Variants in CSMD1 observed in about 807,000 individuals in gnomAD.
The protein encoded by CSMD1 is CUB and sushi domain-containing protein 1.
Under a neutral mutation model 417.5 loss-of-function variants are expected in CSMD1, and 213 were observed. The ratio of observed to expected loss-of-function variants is 0.51; its 90% CI spans 0.46 to 0.57. The LOEUF is 0.57. Among genes scored for constraint, CSMD1 ranks in the 20% least tolerant of loss-of-function variants. The pLI, the probability that CSMD1 is intolerant of heterozygous loss-of-function variation, is 0.00. For missense variants in CSMD1, 6,923 were observed against 4,529.7 expected (o/e 1.53, Z -15.17); for synonymous variants, 2,862 against 1,736.8 (o/e 1.65, Z -16.11).
chr8:4,730,968 A>C (rs17071139), intron 1 of CSMD1, among the ~76,000 whole-genome samples: 2,848 of 152,026 alleles, frequency 0.019, 43 homozygotes, highest in African/African-American at 0.031. Context: ...GGGTGATTTT[A>C]CTCATTTAGG....
intron 5 of CSMD1, among the ~76,000 whole-genome samples, chr8:3,961,888 T>G (rs1236751428): frequency 6.6e-6 from 1 of 152,196 alleles, no homozygotes; most frequent in Non-Finnish European, 1.5e-5. Context: ...CATCCTGCCT[T>G]ACGACTTCTT....
At chr8:3,656,929 A>G (rs1434145361) in intron 7 of CSMD1, among the ~76,000 whole-genome samples, 1 of 151,850 alleles carries the variant, frequency 6.6e-6, no homozygotes, top group African/African-American at 2.4e-5. Flanking sequence ...TGTCTAAAAA[A>G]AAAAAAAGCC....
intron 2 of CSMD1, among the ~76,000 whole-genome samples, chr8:4,603,235 T>C (rs1228347339): frequency 6.6e-6 from 1 of 152,092 alleles, no homozygotes; most frequent in East Asian, 1.9e-4. Flanking sequence ...TTCTCTTTTC[T>C]TGAACCATGA....
At chr8:4,721,067 CAA>C (rs1809023704) in intron 1 of CSMD1, among the ~76,000 whole-genome samples, 1 of 152,108 alleles carries the variant, frequency 6.6e-6, no homozygotes, top group African/African-American at 2.4e-5. Context: ...ATAAACCTCT[CAA>C]GAGTAACATG....
chr8:3,562,536 G>C (rs1585372827), intron 10 of CSMD1, among the ~76,000 whole-genome samples: 2 of 152,030 alleles, frequency 1.3e-5, no homozygotes, highest in South Asian at 4.2e-4. Context: ...TAGCCTGCTT[G>C]GCAAAATCAA....
intron 29 of CSMD1, among the ~76,000 whole-genome samples, chr8:3,215,058 G>A (rs1054656269): frequency 1.3e-5 from 2 of 152,054 alleles, no homozygotes; most frequent in Admixed American, 6.6e-5. Context: ...AAAAATTGAG[G>A]TTCATTTTCT....
rs1801568635 is a variant in CSMD1, at chr8:2,937,465, A to C, written c.*1120T>G. ...AAAAAAAAAAAAACAAAAAAAAAAC[A>C]CTGCAAAAGGGAAGGCTGCATTGTG... On this transcript the variant is annotated 3_prime_UTR_variant, in exon 70 of 70. Coordinates refer to ENST00000635120, the MANE Select transcript of CSMD1 (RefSeq NM_033225.6). 6.8e-6 allele frequency: 1 copy of C among 147,294 alleles called. No individual in the cohort carries two copies. The highest frequency in any genetic ancestry group is 2.5e-5 in the African/African-American group (1 of 40,250). The allele number at this position is 147,294 out of a possible 1,614,324, so 9.1% of individuals were successfully genotyped here.
At chr8:4,092,151 A>G (rs1287597685) in intron 3 of CSMD1, among the ~76,000 whole-genome samples, 1 of 152,212 alleles carries the variant, frequency 6.6e-6, no homozygotes, top group Admixed American at 6.5e-5. Flanking sequence ...TTTTCCTTAA[A>G]TTCTACTAAA....
intron 3 of CSMD1, among the ~76,000 whole-genome samples, chr8:4,053,802 A>T (rs558111979): frequency 6.6e-6 from 1 of 152,208 alleles, no homozygotes; most frequent in Non-Finnish European, 1.5e-5. Context: ...GTATGTTTAA[A>T]TGCCTAAAGC....
At chr8:4,283,523 G>C (rs1035506762) in intron 3 of CSMD1, among the ~76,000 whole-genome samples, 2 of 152,034 alleles carry the variant, frequency 1.3e-5, no homozygotes, top group Non-Finnish European at 2.9e-5. Flanking sequence ...TAGAACTAAG[G>C]ACAATCATTT....
At chr8:4,308,259 T>G (rs1483525838) in intron 3 of CSMD1, among the ~76,000 whole-genome samples, 1 of 152,044 alleles carries the variant, frequency 6.6e-6, no homozygotes, top group East Asian at 1.9e-4. Flanking sequence ...TTTATGTGTG[T>G]GTGTGTCTGT....
chr8:4,981,535 A>G (rs745328100), intron 1 of CSMD1, among the ~76,000 whole-genome samples: 5 of 152,232 alleles, frequency 3.3e-5, no homozygotes, highest in African/African-American at 4.8e-5. Context: ...CTTTCAATCA[A>G]TTATACACTT....
chr8:3,193,585 G>A lies in CSMD1; in HGVS notation c.5195-3470C>T, dbSNP rs1032386540. 7.8e-4 allele frequency among the ~76,000 whole-genome samples: 119 copies of A among 152,160 alleles called. 1 individual carries two copies. Among genetic ancestry groups the A allele is most frequent in the African/African-American group, 2.8e-3 (118 of 41,510 alleles). Reference sequence around the variant, plus strand: ...CGAGAGAAAAATTCTATTGTCTGTCGTCATCATTCTCTATCCTTTAGTAAA... The same window carrying A: ...CGAGAGAAAAATTCTATTGTCTGTCATCATCATTCTCTATCCTTTAGTAAA... On this transcript the variant is annotated intron_variant, in intron 33 of 69. Coordinates refer to ENST00000635120, the MANE Select transcript of CSMD1 (RefSeq NM_033225.6).
intron 41 of CSMD1, among the ~76,000 whole-genome samples, chr8:3,129,294 T>G (rs1410038354): frequency 6.6e-6 from 1 of 152,240 alleles, no homozygotes; most frequent in African/African-American, 2.4e-5. Context: ...TTAAATATTT[T>G]GTGAGTCAAC....
At chr8:3,675,650 C>T (rs1799334374) in intron 7 of CSMD1, among the ~76,000 whole-genome samples, 1 of 152,136 alleles carries the variant, frequency 6.6e-6, no homozygotes, top group African/African-American at 2.4e-5. Context: ...TGTTCTCTGC[C>T]ACTCAAGGAC....
intron 40 of CSMD1, among the ~76,000 whole-genome samples, chr8:3,149,426 T>C (rs1464111665): frequency 6.6e-6 from 1 of 152,216 alleles, no homozygotes; most frequent in African/African-American, 2.4e-5. Flanking sequence ...TTGTTGTTGT[T>C]GTTTATCACG....
intron 7 of CSMD1, among the ~76,000 whole-genome samples, chr8:3,619,377 C>T (rs957941688): frequency 9.1e-6 from 1 of 110,090 alleles, no homozygotes; most frequent in Admixed American, 9.3e-5. Flanking sequence ...TTTTCAAATG[C>T]TTATTTTTTT....
chr8:3,127,210 T>C (rs1482470345), intron 41 of CSMD1, among the ~76,000 whole-genome samples: 1 of 152,192 alleles, frequency 6.6e-6, no homozygotes, highest in Non-Finnish European at 1.5e-5. Flanking sequence ...TTGGGGTCAC[T>C]GTTGGAAGCA....
At chr8:3,854,202 C>T (rs1804132209) in intron 5 of CSMD1, among the ~76,000 whole-genome samples, 1 of 147,328 alleles carries the variant, frequency 6.8e-6, no homozygotes, top group South Asian at 2.1e-4. Flanking sequence ...AATTCTCATG[C>T]TTTGGGAACA....
Sources: allele counts gnomAD v4.1 joint callset (sites outside exome capture counted in the v4.1 genomes callset), GRCh38; gene constraint gnomAD v4.1.1; transcripts MANE v1.5; gene names NCBI Gene and HGNC (gene_info 2026-07-23, HGNC 2026-07-21).